The following RANBP2 variants were observed in gnomAD, a reference collection of about 807,000 sequenced individuals.
RANBP2 encodes E3 SUMO-protein ligase RanBP2.
Under a neutral mutation model 303.6 loss-of-function variants are expected in RANBP2, and 57 were observed. The observed-to-expected ratio is 0.19, with a 90% CI of 0.15 to 0.23. The LOEUF is 0.23. Among genes scored for constraint, RANBP2 ranks in the 10% least tolerant of loss-of-function variants. The pLI, the probability that RANBP2 is intolerant of heterozygous loss-of-function variation, is 1.00. For synonymous variants in RANBP2, 1,167 were observed against 1,301.5 expected (o/e 0.90, Z 2.23); for missense variants, 3,138 against 3,780.8 (o/e 0.83, Z 4.46).
the RANBP2 span, among the ~76,000 whole-genome samples, chr2:109,010,682 C>T: frequency 6.6e-6 from 1 of 152,206 alleles, no homozygotes. Flanking sequence ...TACCATCACA[C>T]TGGAGGTGAG....
At chr2:108,722,032 G>C (rs1255588497) in intron 1 of RANBP2, among the ~76,000 whole-genome samples, 1 of 149,134 alleles carries the variant, frequency 6.7e-6, no homozygotes, top group African/African-American at 2.5e-5. Context: ...ACTCTGCTCA[G>C]CCTGATTTTT....
chr2:108,987,471 A>G, the RANBP2 span, among the ~76,000 whole-genome samples: 1 of 152,358 alleles, frequency 6.6e-6, no homozygotes, highest in East Asian at 1.9e-4. Flanking sequence ...AACAAAGATG[A>G]GCCCCTGACA....
At chr2:109,478,844 C>A in the RANBP2 span, among the ~76,000 whole-genome samples, 1 of 152,178 alleles carries the variant, frequency 6.6e-6, no homozygotes, top group African/African-American at 2.4e-5. Context: ...CATAACAAAT[C>A]ATCTCAAAAC....
chr2:109,206,675 G>T, the RANBP2 span, among the ~76,000 whole-genome samples: 7 of 151,894 alleles, frequency 4.6e-5, no homozygotes, highest in African/African-American at 1.7e-4. Flanking sequence ...AATTAGCTGG[G>T]CATATTAGTG....
chr2:108,972,757 A>G, the RANBP2 span, among the ~76,000 whole-genome samples: 1 of 152,204 alleles, frequency 6.6e-6, no homozygotes, highest in Non-Finnish European at 1.5e-5. Flanking sequence ...CAGCCCATGC[A>G]GATGCTGAGA....
At chr2:109,489,926 C>T in the RANBP2 span, among the ~76,000 whole-genome samples, 2 of 152,132 alleles carry the variant, frequency 1.3e-5, no homozygotes, top group Admixed American at 1.3e-4. Context: ...TTAGTAGAGA[C>T]AGGGTTTCAC....
At chr2:109,427,366 A>G in the RANBP2 span, among the ~76,000 whole-genome samples, 1 of 152,248 alleles carries the variant, frequency 6.6e-6, no homozygotes, top group Non-Finnish European at 1.5e-5. Flanking sequence ...TAATTTTTAC[A>G]TATATTGGTA....
At chr2:109,464,909 A>G in the RANBP2 span, among the ~76,000 whole-genome samples, 37 of 152,350 alleles carry the variant, frequency 2.4e-4, no homozygotes, top group African/African-American at 7.9e-4. Flanking sequence ...ACATGTGTCC[A>G]GCATTATAGT....
chr2:108,916,274 G>A, the RANBP2 span, among the ~76,000 whole-genome samples: 6 of 152,234 alleles, frequency 3.9e-5, no homozygotes, highest in Admixed American at 2.0e-4. Flanking sequence ...GGCTGTCTGT[G>A]AATGTTTGTC....
chr2:109,518,449 A>G, the RANBP2 span, among the ~76,000 whole-genome samples: 1 of 152,160 alleles, frequency 6.6e-6, no homozygotes, highest in Non-Finnish European at 1.5e-5. Flanking sequence ...CCAGCCAGCA[A>G]CTTAACTCAG....
At chr2:109,499,881 G>A in the RANBP2 span, among the ~76,000 whole-genome samples, 5 of 152,210 alleles carry the variant, frequency 3.3e-5, no homozygotes, top group Admixed American at 6.5e-5. Flanking sequence ...ATAGGGTCCA[G>A]GCTGAGCTGA....
At chr2:109,433,421 G>T in the RANBP2 span, among the ~76,000 whole-genome samples, 1 of 152,194 alleles carries the variant, frequency 6.6e-6, no homozygotes, top group African/African-American at 2.4e-5. Flanking sequence ...GAGACAAGGG[G>T]GTTGTCTGGG....
At chr2:109,573,403 T>C in the RANBP2 span, among the ~76,000 whole-genome samples, 3 of 152,328 alleles carry the variant, frequency 2.0e-5, no homozygotes, top group East Asian at 5.8e-4. Context: ...AATATGAATT[T>C]CCATATAATC....
At chr2:109,264,049 C>T in the RANBP2 span, among the ~76,000 whole-genome samples, 1 of 152,352 alleles carries the variant, frequency 6.6e-6, no homozygotes, top group Admixed American at 6.5e-5. Flanking sequence ...TTTGCAAAAC[C>T]ATCTGGGCTG....
At chr2:109,045,282 T>G in the RANBP2 span, among the ~76,000 whole-genome samples, 1 of 152,158 alleles carries the variant, frequency 6.6e-6, no homozygotes, top group Non-Finnish European at 1.5e-5. Context: ...GTTCAAGGTA[T>G]GCTGTTGAAA....
the RANBP2 span, among the ~76,000 whole-genome samples, chr2:109,238,416 T>G: frequency 6.6e-6 from 1 of 151,892 alleles, no homozygotes; most frequent in African/African-American, 2.4e-5. Flanking sequence ...CTCTTTTTCT[T>G]TAATTTATAC....
the RANBP2 span, among the ~76,000 whole-genome samples, chr2:109,229,497 G>A: frequency 6.6e-6 from 1 of 152,126 alleles, no homozygotes; most frequent in Non-Finnish European, 1.5e-5. Flanking sequence ...GGGTGGTCAC[G>A]GCAGGTGGAT....
chr2:109,019,875 A>G, the RANBP2 span, among the ~76,000 whole-genome samples: 2 of 152,148 alleles, frequency 1.3e-5, 1 homozygote, highest in African/African-American at 4.8e-5. Flanking sequence ...TCCTGTTTCA[A>G]GGGGTTTTCT....
chr2:109,027,883 C>T, the RANBP2 span, among the ~76,000 whole-genome samples: 1 of 152,248 alleles, frequency 6.6e-6, no homozygotes, highest in Non-Finnish European at 1.5e-5. Context: ...CTGCTACTCA[C>T]AGATCCATCC....
Sources: allele counts gnomAD v4.1 joint callset (sites outside exome capture counted in the v4.1 genomes callset), GRCh38; gene constraint gnomAD v4.1.1; transcripts MANE v1.5; gene names NCBI Gene and HGNC (gene_info 2026-07-23, HGNC 2026-07-21).